The following SHISA6 variants were observed in gnomAD, a reference collection of about 807,000 sequenced individuals.
The protein encoded by SHISA6 is shisa family member 6.
Under a neutral mutation model 47.9 loss-of-function variants are expected in SHISA6, and 22 were observed. That is an observed-to-expected ratio of 0.46 (90% confidence interval 0.33 to 0.66). The LOEUF (loss-of-function observed/expected upper bound fraction) is 0.66. Ranked by LOEUF, SHISA6 falls within the 30% of genes least tolerant of loss-of-function variation. The pLI is 0.02. For missense variants in SHISA6, 680 were observed against 764.6 expected, an observed-to-expected ratio of 0.89 and a Z score of 1.30; for synonymous variants, 388 against 337.8, an observed-to-expected ratio of 1.15 and a Z score of -1.63.
intron 3 of SHISA6, among the ~76,000 whole-genome samples, chr17:11,424,484 C>T (rs1415959449): frequency 6.6e-6 from 1 of 151,824 alleles, no homozygotes; most frequent in African/African-American, 2.4e-5. Flanking sequence ...AATCTCAAAA[C>T]GTAACACCGA....
chr17:11,254,040 G>A (rs1214437427), intron 1 of SHISA6, among the ~76,000 whole-genome samples: 1 of 152,192 alleles, frequency 6.6e-6, no homozygotes. Flanking sequence ...GTAGGAAGTG[G>A]TAGGAGGCCC....
intron 1 of SHISA6, among the ~76,000 whole-genome samples, chr17:11,259,895 T>A (rs751044267): frequency 3.7e-4 from 56 of 152,140 alleles, no homozygotes; most frequent in Non-Finnish European, 7.3e-5. Context: ...TCAGAAGCCT[T>A]GAAGTTAAAT....
intron 3 of SHISA6, among the ~76,000 whole-genome samples, chr17:11,382,191 G>A (rs1374023590): frequency 2.0e-5 from 3 of 152,184 alleles, no homozygotes; most frequent in African/African-American, 7.2e-5. Context: ...TTCCATTTCA[G>A]CCTCTTGAGT....
chr17:11,389,693 C>T (rs1311365624), intron 3 of SHISA6, among the ~76,000 whole-genome samples: 2 of 152,192 alleles, frequency 1.3e-5, no homozygotes, highest in African/African-American at 2.4e-5. Context: ...TCCAGTCCCT[C>T]GCTGGTGCCA....
chr17:11,446,333 C>T (rs1422636878), intron 3 of SHISA6, among the ~76,000 whole-genome samples: 1 of 152,206 alleles, frequency 6.6e-6, no homozygotes, highest in Non-Finnish European at 1.5e-5. Flanking sequence ...AGCACACACA[C>T]ACCACACACA....
At chr17:11,508,620 G>T (rs1289745965) in intron 3 of SHISA6, among the ~76,000 whole-genome samples, 3 of 124,778 alleles carry the variant, frequency 2.4e-5, no homozygotes, top group Admixed American at 8.7e-5. Context: ...ATTTCTCCTT[G>T]GGGGTGCCCA....
chr17:11,476,205 T>C (rs1916047201), intron 3 of SHISA6, among the ~76,000 whole-genome samples: 1 of 152,032 alleles, frequency 6.6e-6, no homozygotes, highest in Non-Finnish European at 1.5e-5. Flanking sequence ...TAGAGGCTTA[T>C]CAATTTCATG....
intron 2 of SHISA6, among the ~76,000 whole-genome samples, chr17:11,277,300 A>G (rs1908955892): frequency 6.7e-6 from 1 of 148,486 alleles, no homozygotes; most frequent in African/African-American, 2.5e-5. Context: ...ACACACACAC[A>G]CACACACACA....
At chr17:11,499,911 AG>A (rs201110884) in intron 3 of SHISA6, among the ~76,000 whole-genome samples, 8,819 of 152,190 alleles carry the variant, frequency 0.058, 315 homozygotes, top group Middle Eastern at 0.095. Context: ...CTTATTACCC[AG>A]GCTGATCTCA....
intron 1 of SHISA6, among the ~76,000 whole-genome samples, chr17:11,253,827 G>A (rs1414889480): frequency 1.3e-5 from 2 of 151,912 alleles, no homozygotes; most frequent in East Asian, 1.9e-4. Context: ...CCTTGTGCTC[G>A]CTTTTCTGCT....
intron 2 of SHISA6, among the ~76,000 whole-genome samples, chr17:11,299,762 G>A (rs549890646): frequency 1.4e-4 from 22 of 152,202 alleles, no homozygotes; most frequent in East Asian, 5.8e-4. Flanking sequence ...TAAGGATCCC[G>A]TGTGGGCCTA....
At chr17:11,315,959 A>C (rs1910497438) in intron 2 of SHISA6, among the ~76,000 whole-genome samples, 7 of 152,190 alleles carry the variant, frequency 4.6e-5, no homozygotes. Context: ...TTAAATAACA[A>C]AAGTGATATA....
At chr17:11,496,564 C>T (rs2071410596) in intron 3 of SHISA6, among the ~76,000 whole-genome samples, 2 of 151,892 alleles carry the variant, frequency 1.3e-5, no homozygotes, top group Non-Finnish European at 2.9e-5. Context: ...ATGGTGAAAC[C>T]CCATCTCTAC....
chr17:11,531,932 A>C (rs1317324754), intron 3 of SHISA6, among the ~76,000 whole-genome samples: 1 of 152,236 alleles, frequency 6.6e-6, no homozygotes, highest in African/African-American at 2.4e-5. Context: ...ATGTATCAAA[A>C]CACTTTGTGC....
intron 3 of SHISA6, among the ~76,000 whole-genome samples, chr17:11,489,306 C>CCTT (rs1916421212): frequency 6.6e-6 from 1 of 151,832 alleles, no homozygotes; most frequent in Admixed American, 6.6e-5. Flanking sequence ...CTGCTGGGTC[C>CCTT]CTTCTTCCCT....
chr17:11,291,767 C>T (rs1383716663), intron 2 of SHISA6, among the ~76,000 whole-genome samples: 1 of 152,096 alleles, frequency 6.6e-6, no homozygotes, highest in Non-Finnish European at 1.5e-5. Context: ...TTGTAGGTGG[C>T]CGCCTTCTCC....
At chr17:11,417,262 G>T (rs1358872168) in intron 3 of SHISA6, among the ~76,000 whole-genome samples, 1 of 152,086 alleles carries the variant, frequency 6.6e-6, no homozygotes, top group Non-Finnish European at 1.5e-5. Flanking sequence ...AATTATTAAT[G>T]AACAAAACAA....
At chr17:11,433,296 T>A (rs2142291351) in intron 3 of SHISA6, among the ~76,000 whole-genome samples, 1 of 152,258 alleles carries the variant, frequency 6.6e-6, no homozygotes, top group African/African-American at 2.4e-5. Context: ...TGTGTTCTCA[T>A]TGTTCAACTC....
rs987043669 is a variant in SHISA6, at chr17:11,259,639, G to A, written c.639-3727G>A. 3.3e-5 allele frequency among the ~76,000 whole-genome samples: 5 copies of A among 152,322 alleles called. No individual in the cohort carries two copies. The South Asian group carries it at 6.2e-4, about 19-fold the overall frequency. On this transcript the variant is annotated intron_variant, in intron 1 of 5. Transcript: ENST00000441885. ...ATAACTAAGCACTTACGGAAATTCA[G>A]ATACACTTTCATTCCCTCAGGACCA...
Sources: allele counts gnomAD v4.1 joint callset (sites outside exome capture counted in the v4.1 genomes callset), GRCh38; gene constraint gnomAD v4.1.1; transcripts MANE v1.5; gene names NCBI Gene and HGNC (gene_info 2026-07-23, HGNC 2026-07-21).